The following CDH23 variants were observed in gnomAD, a reference collection of about 807,000 sequenced individuals.
The protein encoded by CDH23 is cadherin related 23.
CDH23 carries 189 observed loss-of-function variants against 317.1 expected under a neutral mutation model. That is an observed-to-expected ratio of 0.60 (90% CI 0.53 to 0.67). The LOEUF (loss-of-function observed/expected upper bound fraction) is 0.67, where lower values mean the gene tolerates loss of function less well. Ranked by LOEUF, CDH23 falls within the 30% of genes least tolerant of loss-of-function variation. The pLI, the probability that CDH23 is intolerant of heterozygous loss-of-function variation, is 0.00. For synonymous variants in CDH23, 1,839 were observed against 1,876.8 expected (o/e 0.98, Z 0.52); for missense variants, 4,401 against 4,592.4 (o/e 0.96, Z 1.20).
intron 6 of CDH23, among the ~76,000 whole-genome samples, chr10:71,538,823 A>C (rs114585956): frequency 0.028 from 4,334 of 152,282 alleles, 212 homozygotes; most frequent in African/African-American, 0.099. Flanking sequence ...ACCTGTGGCC[A>C]GTGTGGGAGT....
intron 3 of CDH23, among the ~76,000 whole-genome samples, chr10:71,498,934 A>C (rs193215843): frequency 1.3e-5 from 2 of 152,332 alleles, no homozygotes; most frequent in East Asian, 3.9e-4. Context: ...GGAAATCAGG[A>C]TATCAAAGGG....
At chr10:71,575,036 G>A (rs1858086330) in intron 8 of CDH23, among the ~76,000 whole-genome samples, 1 of 152,136 alleles carries the variant, frequency 6.6e-6, no homozygotes, top group Non-Finnish European at 1.5e-5. Flanking sequence ...CCCATGTGAG[G>A]AAAGAGAGAG....
intron 6 of CDH23, 35 bp from the exon 7 acceptor site, chr10:71,566,707 G>T (rs758988857): frequency 1.3e-6 from 2 of 1,548,622 alleles, no homozygotes; most frequent in Non-Finnish European, 1.8e-6. Context: ...CTCCGCACTG[G>T]CTCACCCTTG....
chr10:71,788,747 A>G lies in CDH23; in HGVS notation c.5821-193A>G, dbSNP rs575695213. Among the ~76,000 whole-genome samples, 11 of 152,180 alleles carry G rather than the reference A, an allele frequency of 7.2e-5. No homozygotes were observed. In the East Asian group the frequency reaches 2.1e-3, roughly 29 times the overall value. ...TGGGATTACAGGCATGAGCCACTGC[A>G]CCCGGCCACATTTTTTCATGTTTGT... On this transcript the variant is annotated intron_variant, in intron 44 of 69. Transcript: ENST00000224721.
At chr10:71,480,502 G>C (rs959562460) in intron 3 of CDH23, among the ~76,000 whole-genome samples, 4 of 152,366 alleles carry the variant, frequency 2.6e-5, no homozygotes, top group Admixed American at 2.6e-4. Flanking sequence ...GGCTGTTGGA[G>C]AGGCATTGAG....
intron 3 of CDH23, among the ~76,000 whole-genome samples, chr10:71,483,886 C>T (rs1474769104): frequency 6.6e-6 from 1 of 152,104 alleles, no homozygotes; most frequent in South Asian, 2.1e-4. Context: ...TGTTCACTCT[C>T]CCCCCACACA....
At chr10:71,801,447 C>T (rs1264753200) in intron 53 of CDH23, among the ~76,000 whole-genome samples, 5 of 152,044 alleles carry the variant, frequency 3.3e-5, no homozygotes, top group Admixed American at 3.3e-4. Flanking sequence ...AGCCACCGAG[C>T]CCGGCCTATT....
chr10:71,815,007 G>T lies in CDH23; in HGVS notation c.9794G>T (p.Ser3265Ile). The change falls in exon 70 of 70, where the codon AGC becomes ATC. Residue 3265 changes from serine to isoleucine, a missense_variant. By Grantham distance (142) the Ser-to-Ile change is moderately radical. Around this residue, in one of 3 missense-constraint regions of CDH23, gnomAD observed 1,144 missense variants for 1,138.2 expected, o/e 1.01. Coordinates refer to ENST00000224721, the MANE Select transcript of CDH23 (RefSeq NM_022124.6). ...EPGDHSPGQG[S>I]LRFRHKPPVE... is the part of the protein sequence containing the mutation. ...GGAGACCACAGCCCAGGGCAGGGTAGCCTGCGCTTCCGCCACAAGCCACCA... is the reference window on the plus strand; with the variant it reads ...GGAGACCACAGCCCAGGGCAGGGTATCCTGCGCTTCCGCCACAAGCCACCA... 2 of 1,612,464 alleles carry T rather than the reference G, an allele frequency of 1.2e-6. No individual in the cohort carries two copies. Among genetic ancestry groups the T allele is most frequent in the South Asian group, 2.2e-5 (2 of 91,022 alleles).
At chr10:71,572,634 C>T (rs1857894896) in intron 8 of CDH23, among the ~76,000 whole-genome samples, 1 of 152,134 alleles carries the variant, frequency 6.6e-6, no homozygotes, top group Non-Finnish European at 1.5e-5. Context: ...GCCCAAAGTC[C>T]ACCCACCCAT....
chr10:71,487,159 A>G (rs571461777), intron 3 of CDH23, among the ~76,000 whole-genome samples: 1 of 152,278 alleles, frequency 6.6e-6, no homozygotes, highest in Admixed American at 6.5e-5. Flanking sequence ...TTCACACGTC[A>G]TTTCCTTTAT....
intron 34 of CDH23, among the ~76,000 whole-genome samples, chr10:71,735,151 G>A (rs908610544): frequency 2.0e-4 from 31 of 152,208 alleles, no homozygotes; most frequent in African/African-American, 6.5e-4. Flanking sequence ...CTGTCCTGAT[G>A]CCTCAGCTGC....
chr10:71,403,454 TTTCCTTCC>T (rs1158827093), intron 1 of CDH23, among the ~76,000 whole-genome samples: 3,557 of 35,038 alleles, frequency 0.1, 365 homozygotes, highest in Middle Eastern at 0.12. Context: ...CCTTCCTTCC[TTTCCTTCC>T]TTCCTTCCTT....
intron 1 of CDH23, among the ~76,000 whole-genome samples, chr10:71,425,374 A>AGGAAGGAAGGAAGGAAGGAAGGAG (rs1849024321): frequency 2.3e-5 from 3 of 127,924 alleles, no homozygotes; most frequent in Non-Finnish European, 3.5e-5. Context: ...AGAGAGGAGA[A>AGGAAGGAAGGAAGGAAGGAAGGAG]GGAAGGAAGG....
At chr10:71,603,835 A>G (rs193141898) in intron 9 of CDH23, among the ~76,000 whole-genome samples, 24 of 152,244 alleles carry the variant, frequency 1.6e-4, no homozygotes, top group Non-Finnish European at 3.1e-4. Context: ...ACAGTGCCTC[A>G]GTTTCCTCAT....
chr10:71,552,456 G>A lies in CDH23; in HGVS notation c.430-14286G>A, dbSNP rs116913320. Reference sequence around the variant, plus strand: ...ACATGGCAGGTGCCCATAGCCAGCCGTGGGGCGTTTTAACCTGTGCTTCAT... The same window carrying A: ...ACATGGCAGGTGCCCATAGCCAGCCATGGGGCGTTTTAACCTGTGCTTCAT... On this transcript the variant is annotated intron_variant, in intron 6 of 69. Transcript: ENST00000224721. Among the ~76,000 whole-genome samples the A allele has an allele frequency of 1.3e-3, 196 of 152,356 alleles. No individual in the cohort carries two copies. In the East Asian group the frequency reaches 0.035, roughly 27 times the overall value.
intron 66 of CDH23, 37 bp from the exon 67 acceptor site, chr10:71,812,443 T>TACCAC: frequency 2.6e-6 from 4 of 1,538,028 alleles, no homozygotes; most frequent in Non-Finnish European, 3.6e-6. Context: ...ACTCGAGCCT[T>TACCAC]CCCTCCCTCC....
chr10:71,742,157 C>T, intron 38 of CDH23: 2 of 564,794 alleles, frequency 3.5e-6, no homozygotes, highest in Non-Finnish European at 3.2e-6. Flanking sequence ...TACTCAGAAG[C>T]TCTGTTTAGT....
intron 14 of CDH23, among the ~76,000 whole-genome samples, chr10:71,669,508 C>T (rs141646839): frequency 3.4e-3 from 506 of 150,246 alleles, no homozygotes; most frequent in Non-Finnish European, 5.6e-3. Context: ...AGTGCAGTGG[C>T]GCCATCTCTG....
chr10:71,807,777 C>A lies in CDH23; in HGVS notation c.8560+10C>A. 6.3e-7 allele frequency: 1 copy of A among 1,592,066 alleles called. No individual in the cohort carries two copies. Among genetic ancestry groups the A allele is most frequent in the Non-Finnish European group, 8.6e-7 (1 of 1,168,982 alleles). On this transcript the variant is annotated intron_variant, in intron 59 of 69. Transcript: ENST00000224721. ...GCTGAGTACACTGCAGGTGCAGGGACTGGAGCCTGGGCACGAGGTGTGGGG... is the reference window on the plus strand; with the variant it reads ...GCTGAGTACACTGCAGGTGCAGGGAATGGAGCCTGGGCACGAGGTGTGGGG...
Sources: allele counts gnomAD v4.1 joint callset (sites outside exome capture counted in the v4.1 genomes callset), GRCh38; gene constraint gnomAD v4.1.1; regional missense constraint gnomAD v4.1.1; transcripts MANE v1.5; gene names NCBI Gene and HGNC (gene_info 2026-07-23, HGNC 2026-07-21).